CIB1: variants seen among roughly 807,000 people sequenced by gnomAD.
CIB1 encodes the protein calcium and integrin-binding protein 1.
CIB1 carries 19 observed loss-of-function variants against 25.0 expected under a neutral mutation model. The observed-to-expected ratio is 0.76, with a 90% CI of 0.53 to 1.12. CIB1 has a LOEUF of 1.12. Ranked by LOEUF, CIB1 falls within the 50% of genes most tolerant of loss-of-function variation. CIB1 has a pLI of 0.00. For missense variants in CIB1, 236 were observed against 242.6 expected (o/e 0.97, Z 0.18); for synonymous variants, 104 against 98.5 (o/e 1.06, Z -0.33).
At chr15:90,264,162 G>T in the CIB1 span, 1 of 699,556 alleles carries the variant, frequency 1.4e-6, no homozygotes. Context: ...TTCCACCAGT[G>T]TAAGAATGGG....
At chr15:90,238,463 T>C (rs1333014402), upstream of CIB1, 1 of 152,248 alleles carries the variant, frequency 6.6e-6, no homozygotes, top group African/African-American at 2.4e-5. Flanking sequence ...TTATATGTTT[T>C]GTTTCCTTTC....
intron 6 of CIB1, 110 bp from the exon 7 acceptor site, chr15:90,230,615 G>T: frequency 8.5e-7 from 1 of 1,177,776 alleles, no homozygotes; most frequent in Non-Finnish European, 1.2e-6. Context: ...GCTATGTTCC[G>T]TGTGTCAGCC....
chr15:90,240,743 G>A, the CIB1 span: 1 of 575,986 alleles, frequency 1.7e-6, no homozygotes, highest in Non-Finnish European at 3.0e-6. Context: ...AACCCAGGAG[G>A]CGGAGGTTAC....
chr15:90,265,720 T>G, the CIB1 span: 15 of 1,613,188 alleles, frequency 9.3e-6, no homozygotes, highest in Non-Finnish European at 1.3e-5. Context: ...GACATGGCGG[T>G]TACCCTGAGT....
At chr15:90,256,833 A>T in the CIB1 span, among the ~76,000 whole-genome samples, 5 of 151,858 alleles carry the variant, frequency 3.3e-5, no homozygotes, top group African/African-American at 7.3e-5. Context: ...GATCACAGGC[A>T]CCTGCCACCA....
chr15:90,259,934 T>C, the CIB1 span, among the ~76,000 whole-genome samples: 2 of 152,230 alleles, frequency 1.3e-5, no homozygotes, highest in Non-Finnish European at 2.9e-5. Context: ...TATGATCACA[T>C]TGCTCTTCCC....
the CIB1 span, among the ~76,000 whole-genome samples, chr15:90,253,580 C>T: frequency 1.8e-3 from 277 of 152,322 alleles, 1 homozygote; most frequent in African/African-American, 6.4e-3. Flanking sequence ...TTCTGGTGGG[C>T]ACATCCTATC....
upstream of CIB1, chr15:90,234,168 AG>A (rs140935136): frequency 3.5e-3 from 806 of 231,114 alleles, 1 homozygote; most frequent in Admixed American, 3.5e-3. Context: ...CCGGGGTGGG[AG>A]GGGGGGGCGG....
chr15:90,249,947 T>TTTTTATTTA, the CIB1 span: 3 of 147,574 alleles, frequency 2.0e-5, no homozygotes, highest in African/African-American at 7.6e-5. Flanking sequence ...CTGTATTTTA[T>TTTTTATTTA]TTTATTTATT....
chr15:90,231,572 TGA>T lies in CIB1; in HGVS notation c.196-67_196-66del, dbSNP rs201156295. ...CGCTCATTAAAGCCTACCAGAAACT[TGA>T]GAGAGCAGGTCACAGGACCAGCACC... On this transcript the variant is annotated intron_variant, in intron 3 of 6. Coordinates refer to ENST00000328649, the MANE Select transcript of CIB1 (RefSeq NM_006384.4). The T allele has an allele frequency of 5.2e-5, 82 of 1,570,342 alleles. No individual in the cohort carries two copies. The East Asian group carries it at 9.0e-4, about 17-fold the overall frequency.
the CIB1 span, among the ~76,000 whole-genome samples, chr15:90,248,598 C>T: frequency 2.0e-5 from 3 of 151,240 alleles, no homozygotes; most frequent in Admixed American, 6.6e-5. Flanking sequence ...ACCTGTAGCC[C>T]CAGCTACTTG....
At chr15:90,255,810 G>A in the CIB1 span, 158 of 1,614,076 alleles carry the variant, frequency 9.8e-5, no homozygotes, top group African/African-American at 1.5e-3. Context: ...CTGCTGGCTC[G>A]GAACCTCAAC....
rs1784996031 is a variant in CIB1 at position 90,230,231 on chromosome 15, T to A, written c.*253A>T. On this transcript the variant is annotated 3_prime_UTR_variant, in exon 7 of 7. Coordinates refer to ENST00000328649, the MANE Select transcript of CIB1 (RefSeq NM_006384.4). ...TCCAGTCCTTCCTCATACCAGTGTA[T>A]CTCATGTCACACATAGGGTCAAACT... 2 of 563,622 alleles carry A rather than the reference T, an allele frequency of 3.5e-6. No individual in the cohort carries two copies. The highest frequency in any genetic ancestry group is 6.4e-5 in the Admixed American group (2 of 31,408). The allele number at this position is 563,622 out of a possible 1,614,324, so 34.9% of individuals were successfully genotyped here.
chr15:90,247,956 T>A, the CIB1 span, among the ~76,000 whole-genome samples: 3,150 of 152,096 alleles, frequency 0.021, 109 homozygotes, highest in African/African-American at 0.072. Flanking sequence ...TTAGCCAGGA[T>A]GGTCTTGATC....
At chr15:90,261,991 G>A in the CIB1 span, 30 of 1,524,110 alleles carry the variant, frequency 2.0e-5, no homozygotes, top group African/African-American at 2.7e-5. Flanking sequence ...GACTCACTGA[G>A]CTTGCTTTCC....
At chr15:90,240,821 A>AAAAT in the CIB1 span, 10 of 949,124 alleles carry the variant, frequency 1.1e-5, no homozygotes, top group African/African-American at 1.0e-4. Flanking sequence ...CTCAAAAAAA[A>AAAAT]AAATAAATAA....
chr15:90,241,214 T>A, the CIB1 span: 2 of 1,614,068 alleles, frequency 1.2e-6, no homozygotes, highest in Non-Finnish European at 1.7e-6. Flanking sequence ...ATGTGGAGCG[T>A]GGTGTGCAGA....
the CIB1 span, chr15:90,264,126 G>C: frequency 5.1e-6 from 5 of 987,006 alleles, no homozygotes; most frequent in Non-Finnish European, 7.5e-6. Context: ...ATAGAGCTTG[G>C]ATGCCCCTAA....
chr15:90,254,117 C>A, the CIB1 span, among the ~76,000 whole-genome samples: 8 of 151,746 alleles, frequency 5.3e-5, no homozygotes, highest in Non-Finnish European at 1.0e-4. Context: ...CACTTGAACC[C>A]AGGAGGTGGA....
Sources: allele counts gnomAD v4.1 joint callset (sites outside exome capture counted in the v4.1 genomes callset), GRCh38; gene constraint gnomAD v4.1.1; transcripts MANE v1.5; gene names NCBI Gene and HGNC (gene_info 2026-07-23, HGNC 2026-07-21).